SCFD2: variants seen among roughly 807,000 people sequenced by gnomAD.
SCFD2 encodes sec1 family domain-containing protein 2.
In SCFD2, 54 loss-of-function variants were observed where a neutral mutation model predicts 58.9. The ratio of observed to expected loss-of-function variants is 0.92; its 90% confidence interval spans 0.74 to 1.15. The LOEUF (loss-of-function observed/expected upper bound fraction) is 1.15. Among genes scored for constraint, SCFD2 ranks in the 50% most tolerant of loss-of-function variants. SCFD2 has a pLI of 0.00. For synonymous variants in SCFD2, 321 were observed against 335.9 expected (o/e 0.96, Z 0.49); for missense variants, 805 against 836.6 (o/e 0.96, Z 0.47).
intron 5 of SCFD2, among the ~76,000 whole-genome samples, chr4:53,034,237 T>C (rs1272004094): frequency 1.3e-5 from 2 of 152,072 alleles, no homozygotes; most frequent in South Asian, 2.1e-4. Context: ...ATTATCTCAA[T>C]AGATATGCAG....
chr4:53,020,689 G>A (rs1203735617), intron 5 of SCFD2, among the ~76,000 whole-genome samples: 1 of 152,116 alleles, frequency 6.6e-6, no homozygotes, highest in Non-Finnish European at 1.5e-5. Context: ...AGCCTCCCCT[G>A]CAAATAGGAA....
In SCFD2 at chr4:52,895,963, T is replaced by C. The variant is rs1718997816; in HGVS notation, c.1843-10097A>G. Among the ~76,000 whole-genome samples the C allele has an allele frequency of 2.0e-5, 3 of 152,218 alleles. No homozygotes were observed. In the South Asian group the frequency reaches 6.2e-4, roughly 31 times the overall value. On this transcript the variant is annotated intron_variant, in intron 7 of 8. Transcript: ENST00000401642. ...TTTTTGGCTGCATAAATGTCTTCTT[T>C]TGAGAAGTGTTTGTTCATATGCTTG...
chr4:53,020,089 T>C (rs1722310565), intron 5 of SCFD2, among the ~76,000 whole-genome samples: 1 of 152,226 alleles, frequency 6.6e-6, no homozygotes, highest in Non-Finnish European at 1.5e-5. Flanking sequence ...CCAGCTTGTC[T>C]TGGCTGATTC....
At chr4:53,012,984 AACT>A (rs1432048485) in intron 5 of SCFD2, among the ~76,000 whole-genome samples, 3 of 152,132 alleles carry the variant, frequency 2.0e-5, no homozygotes, top group Non-Finnish European at 4.4e-5. Flanking sequence ...AGCTAGACTG[AACT>A]CCACCACACT....
intron 3 of SCFD2, among the ~76,000 whole-genome samples, chr4:53,275,301 A>T (rs1227852308): frequency 6.6e-6 from 1 of 152,170 alleles, no homozygotes; most frequent in African/African-American, 2.4e-5. Flanking sequence ...AGAGATAAAG[A>T]ATGTTTAAGT....
At chr4:53,012,119 G>A (rs1292888672) in intron 5 of SCFD2, among the ~76,000 whole-genome samples, 1 of 151,104 alleles carries the variant, frequency 6.6e-6, no homozygotes, top group Non-Finnish European at 1.5e-5. Flanking sequence ...GATCCTGGCA[G>A]AAGTCAAAGG....
intron 7 of SCFD2, among the ~76,000 whole-genome samples, chr4:52,890,483 G>A (rs1378245300): frequency 6.6e-6 from 1 of 152,136 alleles, no homozygotes; most frequent in Non-Finnish European, 1.5e-5. Flanking sequence ...GTTGGGAAGT[G>A]GAGTCTTTTC....
chr4:52,905,821 C>T (rs1303564602), intron 7 of SCFD2, among the ~76,000 whole-genome samples: 1 of 152,004 alleles, frequency 6.6e-6, no homozygotes, highest in Non-Finnish European at 1.5e-5. Context: ...TAAACATGAT[C>T]AACAACAACA....
intron 5 of SCFD2, among the ~76,000 whole-genome samples, chr4:52,978,282 C>T (rs761771201): frequency 5.3e-5 from 8 of 152,146 alleles, no homozygotes; most frequent in Non-Finnish European, 1.2e-4. Context: ...ACTGTGCTCG[C>T]AGGTCTAAAC....
chr4:53,059,145 C>T (rs759109425), intron 5 of SCFD2, among the ~76,000 whole-genome samples: 12 of 152,074 alleles, frequency 7.9e-5, no homozygotes, highest in Non-Finnish European at 1.6e-4. Flanking sequence ...TGATCTCTCC[C>T]TTGCCTCAAA....
intron 4 of SCFD2, among the ~76,000 whole-genome samples, chr4:53,255,926 G>A (rs1415490894): frequency 1.3e-5 from 2 of 150,414 alleles, no homozygotes; most frequent in Non-Finnish European, 3.0e-5. Flanking sequence ...CCGGGCAGAG[G>A]CGCCCCTCAC....
intron 5 of SCFD2, among the ~76,000 whole-genome samples, chr4:53,097,294 A>C (rs1238145696): frequency 6.6e-6 from 1 of 152,172 alleles, no homozygotes; most frequent in Non-Finnish European, 1.5e-5. Flanking sequence ...GAATCTATAA[A>C]TTACCTTGGG....
chr4:52,958,790 C>T (rs1446627013), intron 5 of SCFD2, among the ~76,000 whole-genome samples: 1 of 152,178 alleles, frequency 6.6e-6, no homozygotes, highest in African/African-American at 2.4e-5. Context: ...TCTCAAATGG[C>T]TCTTACACTT....
At chr4:53,137,207 T>A (rs1385737626) in intron 5 of SCFD2, among the ~76,000 whole-genome samples, 2 of 152,198 alleles carry the variant, frequency 1.3e-5, no homozygotes, top group Non-Finnish European at 2.9e-5. Context: ...AGGATGCAAG[T>A]CTTCTGAGTG....
At chr4:53,051,920 G>T (rs1446812068) in intron 5 of SCFD2, among the ~76,000 whole-genome samples, 1 of 151,958 alleles carries the variant, frequency 6.6e-6, no homozygotes, top group Non-Finnish European at 1.5e-5. Flanking sequence ...ATGAGATGAG[G>T]CCATTAAAGA....
chr4:52,997,983 T>C (rs1298307326), intron 5 of SCFD2, among the ~76,000 whole-genome samples: 4 of 152,212 alleles, frequency 2.6e-5, no homozygotes, highest in Admixed American at 1.3e-4. Flanking sequence ...GATGATCTAA[T>C]TCTTTCAAAT....
chr4:53,096,116 T>C (rs2148870373), intron 5 of SCFD2, among the ~76,000 whole-genome samples: 1 of 152,326 alleles, frequency 6.6e-6, no homozygotes, highest in South Asian at 2.1e-4. Flanking sequence ...ATCCAGTCTA[T>C]CATAGATGGA....
chr4:53,259,187 ATTAT>A (rs1363115810), intron 4 of SCFD2, among the ~76,000 whole-genome samples: 1 of 152,138 alleles, frequency 6.6e-6, no homozygotes, highest in Non-Finnish European at 1.5e-5. Context: ...AACCCTGCTG[ATTAT>A]TTATTTTGCT....
chr4:52,877,733 G>T lies in SCFD2; in HGVS notation c.1963-3672C>A, dbSNP rs527534570. Reference sequence around the variant, plus strand: ...TCCACCCAGCTCACAGTAGTTATGGGGCGGATGCAGGGAAGGTGGAGTTGC... The same window carrying T: ...TCCACCCAGCTCACAGTAGTTATGGTGCGGATGCAGGGAAGGTGGAGTTGC... On this transcript the variant is annotated intron_variant, in intron 8 of 8. Transcript: ENST00000401642. Among the ~76,000 whole-genome samples the T allele has an allele frequency of 3.3e-5, 5 of 152,254 alleles. No homozygotes were observed. In the East Asian group the frequency reaches 7.7e-4, roughly 24 times the overall value.
Sources: gnomAD v4.1 joint callset for allele counts (sites outside exome capture counted in the v4.1 genomes callset) on GRCh38, gnomAD v4.1.1 for gene constraint, MANE v1.5 for transcripts, NCBI Gene and HGNC (gene_info 2026-07-23, HGNC 2026-07-21) for gene names.